COL5A2: variants seen among roughly 807,000 people sequenced by gnomAD.
COL5A2 encodes collagen alpha-2(V) chain.
COL5A2 carries 23 observed loss-of-function variants against 208.2 expected under a neutral mutation model. That is an observed-to-expected ratio of 0.11 (90% confidence interval 0.08 to 0.16). The LOEUF (loss-of-function observed/expected upper bound fraction) is 0.16. COL5A2 is among the 10% of genes least tolerant of loss of function. COL5A2 has a pLI of 1.00. For missense variants in COL5A2, 1,590 were observed against 1,956.4 expected (o/e 0.81, Z 3.53); for synonymous variants, 625 against 628.5 (o/e 0.99, Z 0.08).
chr2:189,150,305 T>C (rs1242863536), intron 1 of COL5A2, among the ~76,000 whole-genome samples: 1 of 152,144 alleles, frequency 6.6e-6, no homozygotes, highest in African/African-American at 2.4e-5. Context: ...TGCTCTCAGA[T>C]GACAATCAAC....
the COL5A2 span, among the ~76,000 whole-genome samples, chr2:189,307,984 T>C: frequency 6.6e-6 from 1 of 152,160 alleles, no homozygotes; most frequent in African/African-American, 2.4e-5. Context: ...TACTTTACTT[T>C]CTTAATAAAC....
intron 47 of COL5A2, 110 bp downstream of exon 47, chr2:189,045,069 C>G: frequency 6.3e-6 from 4 of 633,630 alleles, no homozygotes; most frequent in Non-Finnish European, 5.1e-6. Context: ...TATTTTTGTT[C>G]AAGCTTGAGG....
chr2:189,301,339 T>C, the COL5A2 span, among the ~76,000 whole-genome samples: 2 of 152,166 alleles, frequency 1.3e-5, no homozygotes, highest in African/African-American at 4.8e-5. Flanking sequence ...CCTACCCAAT[T>C]CACTTAAACC....
At chr2:189,389,807 T>G in the COL5A2 span, among the ~76,000 whole-genome samples, 1 of 152,198 alleles carries the variant, frequency 6.6e-6, no homozygotes, top group East Asian at 1.9e-4. Flanking sequence ...AAACTGAAGA[T>G]CACTGCAATG....
chr2:189,245,537 T>A, the COL5A2 span, among the ~76,000 whole-genome samples: 2 of 148,754 alleles, frequency 1.3e-5, no homozygotes, highest in Non-Finnish European at 3.0e-5. Context: ...CAGGCTGGAG[T>A]GCAGTGGCGC....
intron 17 of COL5A2, 56 bp from the exon 18 acceptor site, chr2:189,072,149 G>A: frequency 2.4e-6 from 3 of 1,258,318 alleles, no homozygotes; most frequent in Non-Finnish European, 3.5e-6. Flanking sequence ...TATCTAATTA[G>A]GTCATTTTTT....
At chr2:189,272,668 A>T in the COL5A2 span, among the ~76,000 whole-genome samples, 69,243 of 151,738 alleles carry the variant, frequency 0.46, 16,498 homozygotes, top group East Asian at 0.7. Context: ...AATTTTTTTA[A>T]AAAAAATCTC....
intron 1 of COL5A2, among the ~76,000 whole-genome samples, chr2:189,128,375 C>A (rs1303339944): frequency 6.6e-6 from 1 of 152,008 alleles, no homozygotes; most frequent in Non-Finnish European, 1.5e-5. Context: ...TATTTATGAT[C>A]TTTCAGCTCT....
At chr2:189,216,534 C>G (rs1303472550) in intron 1 of COL5A2, among the ~76,000 whole-genome samples, 1 of 151,918 alleles carries the variant, frequency 6.6e-6, no homozygotes, top group African/African-American at 2.4e-5. Context: ...ATTGATATTA[C>G]AATCAAGGTT....
chr2:189,153,433 A>C (rs1175245887), intron 1 of COL5A2, among the ~76,000 whole-genome samples: 6 of 152,212 alleles, frequency 3.9e-5, no homozygotes, highest in Non-Finnish European at 7.3e-5. Flanking sequence ...AATGAACTCA[A>C]GATTTGAAGA....
intron 1 of COL5A2, among the ~76,000 whole-genome samples, chr2:189,167,998 C>A (rs13019076): frequency 6.7e-6 from 1 of 149,402 alleles, no homozygotes; most frequent in Admixed American, 6.7e-5. Flanking sequence ...AGTGCAGTGG[C>A]GCCATCTCGG....
chr2:189,363,071 G>A, the COL5A2 span, among the ~76,000 whole-genome samples: 1 of 152,092 alleles, frequency 6.6e-6, no homozygotes, highest in South Asian at 2.1e-4. Context: ...GTAAATAGTA[G>A]TCAAAATAAA....
chr2:189,054,461 A>G lies in COL5A2; in HGVS notation c.2392-249T>C, dbSNP rs139831763. Among the ~76,000 whole-genome samples the G allele has an allele frequency of 1.8e-3, 276 of 152,294 alleles. 1 individual carries two copies. Among genetic ancestry groups the G allele is most frequent in the African/African-American group, 6.3e-3 (261 of 41,556 alleles). Reference sequence around the variant, plus strand: ...TTCATGCAACCTAATTCATGCATACATAAAACTGTTTTCAGGCATTAGCAC... The same window carrying G: ...TTCATGCAACCTAATTCATGCATACGTAAAACTGTTTTCAGGCATTAGCAC... On this transcript the variant is annotated intron_variant, in intron 35 of 53. Coordinates refer to ENST00000374866, the MANE Select transcript of COL5A2 (RefSeq NM_000393.5).
At chr2:189,194,746 G>A (rs1688976064) in intron 1 of COL5A2, among the ~76,000 whole-genome samples, 1 of 152,082 alleles carries the variant, frequency 6.6e-6, no homozygotes, top group Non-Finnish European at 1.5e-5. Flanking sequence ...GTCATAAATA[G>A]CTCTTATTAT....
the COL5A2 span, among the ~76,000 whole-genome samples, chr2:189,359,111 T>C: frequency 6.6e-6 from 1 of 152,168 alleles, no homozygotes; most frequent in East Asian, 1.9e-4. Flanking sequence ...TTATGATGAG[T>C]AGAAGTGACA....
At chr2:189,043,917 G>A (rs1685611887) in intron 47 of COL5A2, among the ~76,000 whole-genome samples, 1 of 152,206 alleles carries the variant, frequency 6.6e-6, no homozygotes, top group South Asian at 2.1e-4. Flanking sequence ...GCCGTAGTTA[G>A]GGATCTTATT....
At chr2:189,421,908 C>T in the COL5A2 span, among the ~76,000 whole-genome samples, 3 of 152,144 alleles carry the variant, frequency 2.0e-5, no homozygotes, top group East Asian at 5.8e-4. Context: ...TCCAGCCTGG[C>T]ATTGTGCCAG....
intron 1 of COL5A2, among the ~76,000 whole-genome samples, chr2:189,114,259 T>C (rs908528836): frequency 7.9e-5 from 12 of 152,300 alleles, no homozygotes; most frequent in African/African-American, 2.9e-4. Context: ...TGAACTCTCA[T>C]TGTCCATGTC....
Position 189,063,142 on chromosome 2 carries a change from G to A in COL5A2, c.1869+30C>T, listed in dbSNP as rs746251218. 3.1e-6 allele frequency: 5 copies of A among 1,610,878 alleles called. No homozygotes were observed. The Admixed American group carries it at 5.0e-5, about 16-fold the overall frequency. ...CTCCTCCAAATGAGGATCATGATGA[G>A]GTGGCCAACATATTATACACTGTAC... On this transcript the variant is annotated intron_variant, in intron 27 of 53. Coordinates refer to ENST00000374866, the MANE Select transcript of COL5A2 (RefSeq NM_000393.5).
Sources: gnomAD v4.1 joint callset for allele counts (sites outside exome capture counted in the v4.1 genomes callset) on GRCh38, gnomAD v4.1.1 for gene constraint, MANE v1.5 for transcripts, NCBI Gene and HGNC (gene_info 2026-07-23, HGNC 2026-07-21) for gene names.